The following RTP2 variants were observed in gnomAD, a reference collection of about 807,000 sequenced individuals.
RTP2 encodes the protein receptor transporter protein 2, also known as receptor-transporting protein 2.
A neutral mutation model predicts 17.9 loss-of-function variants in RTP2; 12 were observed. That is an observed-to-expected ratio of 0.67 (90% CI 0.43 to 1.09). The LOEUF (loss-of-function observed/expected upper bound fraction) is 1.09, where lower values mean the gene tolerates loss of function less well. Among genes scored for constraint, RTP2 ranks in the 50% least tolerant of loss-of-function variants. The pLI, the probability that RTP2 is intolerant of heterozygous loss-of-function variation, is 0.00. For synonymous variants in RTP2, 126 were observed against 117.7 expected (o/e 1.07, Z -0.46); for missense variants, 327 against 295.7 (o/e 1.11, Z -0.78).
chr3:187,712,978 C>G, the RTP2 span, among the ~76,000 whole-genome samples: 1 of 152,344 alleles, frequency 6.6e-6, no homozygotes, highest in Admixed American at 6.5e-5. Flanking sequence ...AAGGCGAAAG[C>G]TGTTTGCTCT....
At chr3:187,704,419 T>G (rs1385659106), upstream of RTP2, among the ~76,000 whole-genome samples, 1 of 152,218 alleles carries the variant, frequency 6.6e-6, no homozygotes, top group East Asian at 1.9e-4. Context: ...TATACACCTC[T>G]GCTTCAGAGA....
At chr3:187,710,303 C>G in the RTP2 span, among the ~76,000 whole-genome samples, 28 of 151,342 alleles carry the variant, frequency 1.9e-4, no homozygotes, top group Admixed American at 6.6e-4. Context: ...TTGTAGTTGG[C>G]AAGACTGTGA....
At chr3:187,710,363 C>T in the RTP2 span, among the ~76,000 whole-genome samples, 1 of 108,822 alleles carries the variant, frequency 9.2e-6, no homozygotes, top group Admixed American at 1.2e-4. Flanking sequence ...TAATAAATGT[C>T]TTCCTAAATA....
At chr3:187,700,244 A>C (rs73043377) in intron 1 of RTP2, among the ~76,000 whole-genome samples, 1 of 152,242 alleles carries the variant, frequency 6.6e-6, no homozygotes, top group South Asian at 2.1e-4. Flanking sequence ...ATGAGCATAG[A>C]ACAGTACCCA....
upstream of RTP2, among the ~76,000 whole-genome samples, chr3:187,706,514 C>T (rs1004675462): frequency 2.6e-5 from 4 of 152,190 alleles, no homozygotes; most frequent in Non-Finnish European, 5.9e-5. Flanking sequence ...CAACTACAAG[C>T]CAGAACAATT....
intron 1 of RTP2, among the ~76,000 whole-genome samples, chr3:187,699,428 TAAG>T (rs1717785432): frequency 6.6e-6 from 1 of 152,148 alleles, no homozygotes; most frequent in Non-Finnish European, 1.5e-5. Context: ...GCGACTCTAA[TAAG>T]AAGGATGACA....
At chr3:187,698,660 C>G (rs1429813447) in exon 2 of RTP2, 1 of 1,614,226 alleles carries the variant, frequency 6.2e-7, no homozygotes, top group Non-Finnish European at 8.5e-7. Flanking sequence ...CCTCCTCCTC[C>G]AGCAGCTTCT....
At chr3:187,700,494 T>C (rs1717817556) in intron 1 of RTP2, among the ~76,000 whole-genome samples, 1 of 152,232 alleles carries the variant, frequency 6.6e-6, no homozygotes, top group Non-Finnish European at 1.5e-5. Context: ...AGAGGAGACA[T>C]GAGCTTGCTG....
At chr3:187,699,514 C>T (rs1405391861) in intron 1 of RTP2, among the ~76,000 whole-genome samples, 1 of 152,134 alleles carries the variant, frequency 6.6e-6, no homozygotes, top group Non-Finnish European at 1.5e-5. Context: ...AGCACAGACC[C>T]TGGCACACTG....
the RTP2 span, among the ~76,000 whole-genome samples, chr3:187,713,489 G>T: frequency 6.6e-6 from 1 of 152,014 alleles, no homozygotes; most frequent in East Asian, 1.9e-4. Flanking sequence ...CCACAGACTG[G>T]CAGTGGGCTT....
At chr3:187,698,468 T>C (rs1343887889) in exon 2 of RTP2, 2 of 1,566,300 alleles carry the variant, frequency 1.3e-6, no homozygotes, top group African/African-American at 1.4e-5. Flanking sequence ...CTCAAGCCCA[T>C]GTGCCCTCTC....
At chr3:187,711,638 C>T in the RTP2 span, among the ~76,000 whole-genome samples, 2 of 152,178 alleles carry the variant, frequency 1.3e-5, no homozygotes, top group Non-Finnish European at 2.9e-5. Context: ...TATGCTGACT[C>T]AATTTAGAGA....
chr3:187,702,296 G>T, exon 1 of RTP2: 1 of 671,650 alleles, frequency 1.5e-6, no homozygotes, highest in Non-Finnish European at 2.5e-6. Context: ...CTGTTACCAT[G>T]GTAGCCAGGC....
At chr3:187,700,287 G>A (rs141846499) in intron 1 of RTP2, among the ~76,000 whole-genome samples, 39 of 152,360 alleles carry the variant, frequency 2.6e-4, no homozygotes, top group Middle Eastern at 3.4e-3. Context: ...CAGGTCAGAG[G>A]AACCTAGCTG....
Position 187,698,945 on chromosome 3 carries a change from GA to G in RTP2, c.230del (p.Phe77SerfsTer100). 1 of 1,607,582 alleles carries G rather than the reference GA, an allele frequency of 6.2e-7. No homozygotes were observed. Among genetic ancestry groups the G allele is most frequent in the Non-Finnish European group, 8.5e-7 (1 of 1,174,944 alleles). On this transcript the variant is annotated frameshift_variant, in exon 2 of 2. Transcript: ENST00000358241. LOFTEE classifies it high-confidence loss of function. Reference sequence around the variant, plus strand: ...AGCCCGCCCGCTGGGCGCGGTCCAGGAACATGTGGAAGAGGATGACCACATG... The same window carrying G: ...AGCCCGCCCGCTGGGCGCGGTCCAGGACATGTGGAAGAGGATGACCACATG...
chr3:187,704,894 C>T (rs143451498), upstream of RTP2, among the ~76,000 whole-genome samples: 289 of 152,206 alleles, frequency 1.9e-3, 1 homozygote, highest in African/African-American at 6.5e-3. Flanking sequence ...TGGAATCTTC[C>T]CAGGAAGATT....
At chr3:187,701,873 G>GTCTGCC in intron 1 of RTP2, 92 bp downstream of exon 1, 2 of 1,183,638 alleles carry the variant, frequency 1.7e-6, no homozygotes, top group Non-Finnish European at 1.2e-6. Context: ...ACCAGAATAA[G>GTCTGCC]CCCGCGACTG....
chr3:187,702,138 G>A (rs766146716), exon 1 of RTP2: 1 of 1,589,136 alleles, frequency 6.3e-7, no homozygotes. Flanking sequence ...TGGTCCTGCT[G>A]GCAGAGGTGG....
chr3:187,709,685 A>T, the RTP2 span, among the ~76,000 whole-genome samples: 1 of 152,194 alleles, frequency 6.6e-6, no homozygotes. Context: ...ATTCTGTTTC[A>T]AAATAAATAA....
Sources: gnomAD v4.1 joint callset for allele counts (sites outside exome capture counted in the v4.1 genomes callset) on GRCh38, gnomAD v4.1.1 for gene constraint, MANE v1.5 for transcripts, NCBI Gene and HGNC (gene_info 2026-07-23, HGNC 2026-07-21) for gene names.